ALK: variants seen among roughly 807,000 people sequenced by gnomAD.
ALK encodes the protein ALK receptor tyrosine kinase, also known as ALK tyrosine kinase receptor.
A neutral mutation model predicts 163.1 loss-of-function variants in ALK; 74 were observed. The observed-to-expected ratio is 0.45, with a 90% CI of 0.38 to 0.55. The LOEUF is 0.55. ALK is among the 20% of genes least tolerant of loss of function. The pLI is 0.00. For synonymous variants in ALK, 960 were observed against 843.2 expected, an observed-to-expected ratio of 1.14 and a Z score of -2.40; for missense variants, 2,063 against 2,105.3, an observed-to-expected ratio of 0.98 and a Z score of 0.39.
Position 29,920,474 on chromosome 2 carries a change from C to T in ALK, c.186G>A (p.Ser62=), listed in dbSNP as rs999950252. 3.1e-6 allele frequency: 5 copies of T among 1,612,790 alleles called. No individual in the cohort carries two copies. The African/African-American group carries it at 4.0e-5, about 13-fold the overall frequency. The change falls in exon 1 of 29, where the codon TCG becomes TCA. Residue 62 remains serine, a synonymous_variant. Transcript: ENST00000389048. ...GGTCCCGGGCGTAGACACGGAAGAG[C>T]GAGGGCACCACGAAGTCAACTGCCA... ...KSLAVDFVVP[S]LFRVYARDLL...
chr2:29,810,997 C>T (rs1664744702), intron 1 of ALK, among the ~76,000 whole-genome samples: 1 of 152,048 alleles, frequency 6.6e-6, no homozygotes, highest in Non-Finnish European at 1.5e-5. Flanking sequence ...CTGACAGCAC[C>T]TTGATCTTGG....
At chr2:29,434,771 C>T (rs1670359059) in intron 4 of ALK, among the ~76,000 whole-genome samples, 2 of 152,158 alleles carry the variant, frequency 1.3e-5, no homozygotes, top group Admixed American at 6.5e-5. Flanking sequence ...GGAGGCTCGC[C>T]TTTCAATTCT....
At chr2:29,420,986 C>T (rs922073451) in intron 4 of ALK, among the ~76,000 whole-genome samples, 1 of 151,602 alleles carries the variant, frequency 6.6e-6, no homozygotes, top group African/African-American at 2.4e-5. Context: ...TCAGGAAAAG[C>T]AATGGCCAGG....
At chr2:29,611,190 C>T (rs1363047661) in intron 3 of ALK, among the ~76,000 whole-genome samples, 1 of 152,058 alleles carries the variant, frequency 6.6e-6, no homozygotes, top group Admixed American at 6.6e-5. Flanking sequence ...AGGGGAACAG[C>T]CACAGACAGC....
intron 3 of ALK, among the ~76,000 whole-genome samples, chr2:29,662,604 G>T (rs1677383682): frequency 6.6e-6 from 1 of 152,144 alleles, no homozygotes; most frequent in Non-Finnish European, 1.5e-5. Flanking sequence ...CATTAGGGGT[G>T]CTGGCTCCTT....
In ALK at chr2:29,363,949, C is replaced by T. The variant is rs573954972; in HGVS notation, c.1282+19783G>A. ...TTTTCTAGGAGACTTCTTTCTTCCTCCCATTTGGGAGTGAGATCACAAAAC... is the reference window on the plus strand; with the variant it reads ...TTTTCTAGGAGACTTCTTTCTTCCTTCCATTTGGGAGTGAGATCACAAAAC... On this transcript the variant is annotated intron_variant, in intron 5 of 28. Transcript: ENST00000389048. Among the ~76,000 whole-genome samples, 8 of 152,290 alleles carry T rather than the reference C, an allele frequency of 5.3e-5. No individual in the cohort carries two copies. In the South Asian group the frequency reaches 1.7e-3, roughly 32 times the overall value.
At position 29,829,527 on chromosome 2, in the gene ALK, G is replaced by A. The variant is rs145222672; in HGVS notation, c.667+90466C>T. On this transcript the variant is annotated intron_variant, in intron 1 of 28. Coordinates refer to ENST00000389048, the MANE Select transcript of ALK (RefSeq NM_004304.5). ...GCATGTTGCCCAAGACTATTACCAA[G>A]CAAGTTTGTGTATACTTTAGGCTTA... Among the ~76,000 whole-genome samples the A allele has an allele frequency of 8.4e-3, 1,285 of 152,246 alleles. 7 individuals carry two copies. Among genetic ancestry groups the A allele is most frequent in the Non-Finnish European group, 0.013 (888 of 68,014 alleles).
At chr2:29,904,207 A>G (rs78842844) in intron 1 of ALK, among the ~76,000 whole-genome samples, 2,487 of 152,272 alleles carry the variant, frequency 0.016, 59 homozygotes, top group African/African-American at 0.055. Flanking sequence ...CTTTGGAAAT[A>G]TTATTTATGA....
intron 4 of ALK, among the ~76,000 whole-genome samples, chr2:29,433,241 T>C (rs886187746): frequency 6.6e-6 from 1 of 152,180 alleles, no homozygotes; most frequent in Non-Finnish European, 1.5e-5. Flanking sequence ...TCTCAAACTT[T>C]AGCATGCATA....
chr2:29,505,442 A>G (rs190105265), intron 4 of ALK, among the ~76,000 whole-genome samples: 18 of 152,316 alleles, frequency 1.2e-4, no homozygotes, highest in African/African-American at 4.3e-4. Context: ...CAGGGGCTTC[A>G]AATGCCAGGT....
At chr2:29,466,649 G>C (rs533039869) in intron 4 of ALK, among the ~76,000 whole-genome samples, 1 of 152,186 alleles carries the variant, frequency 6.6e-6, no homozygotes, top group Non-Finnish European at 1.5e-5. Flanking sequence ...ACTGTTTCTT[G>C]TAAGTAACAG....
chr2:29,627,471 T>C (rs1431252500), intron 3 of ALK, among the ~76,000 whole-genome samples: 1 of 151,672 alleles, frequency 6.6e-6, no homozygotes, highest in Non-Finnish European at 1.5e-5. Flanking sequence ...GATTACTGTG[T>C]TTATGTTGTG....
At chr2:29,278,972 G>A (rs919194551) in intron 9 of ALK, among the ~76,000 whole-genome samples, 1 of 33,918 alleles carries the variant, frequency 2.9e-5, no homozygotes, top group Admixed American at 4.5e-4. Flanking sequence ...AATGACATGT[G>A]TGTGCCTGGG....
intron 2 of ALK, 127 bp downstream of exon 2, chr2:29,717,451 A>C (rs2148307066): frequency 4.3e-6 from 5 of 1,167,586 alleles, no homozygotes; most frequent in Non-Finnish European, 5.1e-6. Context: ...GCTCAGAAAG[A>C]CTTCTTTTGC....
intron 3 of ALK, among the ~76,000 whole-genome samples, chr2:29,629,574 C>T (rs565257212): frequency 6.6e-6 from 1 of 152,296 alleles, no homozygotes; most frequent in South Asian, 2.1e-4. Flanking sequence ...TTCTGTTACA[C>T]CTAGCACAGA....
chr2:29,374,048 C>T (rs2148294869), intron 5 of ALK, among the ~76,000 whole-genome samples: 1 of 152,332 alleles, frequency 6.6e-6, no homozygotes, highest in East Asian at 1.9e-4. Context: ...CATAATGGCT[C>T]AGGCAAGGCG....
At chr2:29,585,579 C>T (rs867985889) in intron 3 of ALK, among the ~76,000 whole-genome samples, 3 of 152,278 alleles carry the variant, frequency 2.0e-5, no homozygotes, top group African/African-American at 4.8e-5. Context: ...CCACCTGCCT[C>T]GGCCTCCCAA....
At chr2:29,844,893 G>T (rs977907360) in intron 1 of ALK, among the ~76,000 whole-genome samples, 25 of 137,078 alleles carry the variant, frequency 1.8e-4, no homozygotes, top group Non-Finnish European at 3.2e-4. Flanking sequence ...ACACACAGAG[G>T]CACACACACA....
chr2:29,800,885 G>A (rs1372513329), intron 1 of ALK, among the ~76,000 whole-genome samples: 3 of 152,210 alleles, frequency 2.0e-5, no homozygotes, highest in Non-Finnish European at 2.9e-5. Flanking sequence ...TGTGATGTGT[G>A]GTGACAGATC....
Sources: gnomAD v4.1 joint callset for allele counts (sites outside exome capture counted in the v4.1 genomes callset) on GRCh38, gnomAD v4.1.1 for gene constraint, MANE v1.5 for transcripts, NCBI Gene and HGNC (gene_info 2026-07-23, HGNC 2026-07-21) for gene names.